ROBO1: variants seen among roughly 807,000 people sequenced by gnomAD.
ROBO1 encodes roundabout homolog 1.
A neutral mutation model predicts 195.9 loss-of-function variants in ROBO1; 149 were observed. The observed-to-expected ratio is 0.76, with a 90% CI of 0.67 to 0.87. The LOEUF (loss-of-function observed/expected upper bound fraction) is 0.87. Ranked by LOEUF, ROBO1 falls within the 40% of genes least tolerant of loss-of-function variation. The probability of loss-of-function intolerance (pLI) is 0.00; values close to 1 mark genes in which losing one functional copy is unlikely to be tolerated. For synonymous variants in ROBO1, 816 were observed against 733.2 expected, an observed-to-expected ratio of 1.11 and a Z score of -1.82; for missense variants, 1,933 against 2,068.3, an observed-to-expected ratio of 0.93 and a Z score of 1.27.
chr3:78,808,446 AC>A (rs2084620490), intron 4 of ROBO1, among the ~76,000 whole-genome samples: 2 of 151,986 alleles, frequency 1.3e-5, no homozygotes, highest in South Asian at 4.2e-4. Flanking sequence ...CTCGTGATCC[AC>A]CCACCTTGGC....
intron 2 of ROBO1, among the ~76,000 whole-genome samples, chr3:79,187,310 T>G (rs1186469388): frequency 5.3e-5 from 8 of 151,976 alleles, no homozygotes. Flanking sequence ...TTCTACATTG[T>G]CTCTAAATTT....
At chr3:78,834,539 A>C (rs536708193) in intron 4 of ROBO1, among the ~76,000 whole-genome samples, 63 of 151,714 alleles carry the variant, frequency 4.2e-4, no homozygotes, top group African/African-American at 1.5e-3. Context: ...TATTAACATC[A>C]AAACCACAAA....
At chr3:79,308,607 G>C (rs2033335567) in intron 2 of ROBO1, among the ~76,000 whole-genome samples, 1 of 152,078 alleles carries the variant, frequency 6.6e-6, no homozygotes, top group African/African-American at 2.4e-5. Context: ...ATTAAAAAAA[G>C]AAAGCGGGGT....
At chr3:79,329,550 C>T (rs997808868) in intron 2 of ROBO1, among the ~76,000 whole-genome samples, 1 of 152,118 alleles carries the variant, frequency 6.6e-6, no homozygotes, top group Non-Finnish European at 1.5e-5. Context: ...CTCTGCCTAG[C>T]CCACAGAATT....
At chr3:78,823,205 T>A (rs2031199045) in intron 4 of ROBO1, among the ~76,000 whole-genome samples, 1 of 118,420 alleles carries the variant, frequency 8.4e-6, no homozygotes, top group South Asian at 2.6e-4. Flanking sequence ...TTTTTTTTTT[T>A]TGCCAATGCA....
chr3:79,603,644 G>A (rs1315015424), intron 1 of ROBO1, among the ~76,000 whole-genome samples: 1 of 152,016 alleles, frequency 6.6e-6, no homozygotes, highest in Non-Finnish European at 1.5e-5. Context: ...AAACCACTGA[G>A]ATTGGTCTAA....
chr3:79,043,449 A>T (rs1187604514), intron 3 of ROBO1, among the ~76,000 whole-genome samples: 1 of 152,126 alleles, frequency 6.6e-6, no homozygotes, highest in Non-Finnish European at 1.5e-5. Context: ...CAACGAGGTC[A>T]CTAAAGGTCA....
At chr3:79,433,641 G>A (rs2038768838) in intron 2 of ROBO1, among the ~76,000 whole-genome samples, 1 of 152,084 alleles carries the variant, frequency 6.6e-6, no homozygotes, top group Admixed American at 6.6e-5. Context: ...GTAATTTATA[G>A]ATTCAATGCC....
chr3:79,151,530 T>C (rs1045611764), intron 2 of ROBO1, among the ~76,000 whole-genome samples: 3 of 151,848 alleles, frequency 2.0e-5, no homozygotes, highest in Admixed American at 6.6e-5. Context: ...TATGCTCCTC[T>C]TTCTCTATAA....
chr3:79,270,179 TTCTCTCTCTCTCTCTCTCTCTCTC>T (rs138141200), intron 2 of ROBO1, among the ~76,000 whole-genome samples: 1 of 140,702 alleles, frequency 7.1e-6, no homozygotes, highest in African/African-American at 2.7e-5. Context: ...ATACATAATG[TTCTCTCTCTCTCTCTCTCTCTCTC>T]TCTCTCTCTC....
chr3:79,224,914 G>A (rs889813102), intron 2 of ROBO1, among the ~76,000 whole-genome samples: 1 of 152,124 alleles, frequency 6.6e-6, no homozygotes, highest in Admixed American at 6.5e-5. Flanking sequence ...TGGCAGGCCA[G>A]AGGACAGAAG....
intron 4 of ROBO1, among the ~76,000 whole-genome samples, chr3:78,868,178 A>G (rs1214318066): frequency 6.6e-6 from 1 of 152,174 alleles, no homozygotes; most frequent in Non-Finnish European, 1.5e-5. Context: ...AAGGGAGCAC[A>G]TGGAGCTGCC....
rs576587194 is a variant in ROBO1 at position 79,702,374 on chromosome 3, G to A, written c.-51+65378C>T. ...ATGGTGAGGGGATTTATAAAGTCCT[G>A]AGGTAACCCACTTCACATAATATAA... On this transcript the variant is annotated intron_variant, in intron 1 of 30. Coordinates refer to ENST00000464233, the MANE Select transcript of ROBO1 (RefSeq NM_002941.4). 1.1e-4 allele frequency among the ~76,000 whole-genome samples: 17 copies of A among 151,960 alleles called. 1 individual carries two copies. The South Asian group carries it at 3.5e-3, about 31-fold the overall frequency.
chr3:79,255,387 A>T (rs1243008682), intron 2 of ROBO1, among the ~76,000 whole-genome samples: 2 of 152,054 alleles, frequency 1.3e-5, no homozygotes, highest in African/African-American at 2.4e-5. Flanking sequence ...AACAAAAAAC[A>T]TAAGTTTCTC....
At chr3:79,487,494 C>T (rs1240321280) in intron 2 of ROBO1, among the ~76,000 whole-genome samples, 2 of 152,154 alleles carry the variant, frequency 1.3e-5, no homozygotes, top group Non-Finnish European at 1.5e-5. Flanking sequence ...GGATTACAGG[C>T]AGGAACCACT....
At chr3:78,846,363 A>T (rs1386212899) in intron 4 of ROBO1, among the ~76,000 whole-genome samples, 2 of 152,116 alleles carry the variant, frequency 1.3e-5, no homozygotes, top group Non-Finnish European at 2.9e-5. Context: ...TTTTTATTTT[A>T]CTGATAATTT....
intron 2 of ROBO1, among the ~76,000 whole-genome samples, chr3:79,357,869 T>G (rs1203572068): frequency 2.0e-5 from 3 of 152,158 alleles, no homozygotes; most frequent in Non-Finnish European, 2.9e-5. Flanking sequence ...TTCTTAAACT[T>G]CATAAGTGGA....
At chr3:79,197,032 A>G (rs995432126) in intron 2 of ROBO1, among the ~76,000 whole-genome samples, 5 of 151,772 alleles carry the variant, frequency 3.3e-5, no homozygotes, top group South Asian at 4.1e-4. Context: ...TATGATAACT[A>G]GTAAATATAT....
intron 2 of ROBO1, among the ~76,000 whole-genome samples, chr3:79,559,010 G>A (rs1054441663): frequency 3.9e-5 from 6 of 152,060 alleles, no homozygotes; most frequent in African/African-American, 1.4e-4. Context: ...CAAACCTAAC[G>A]TAGTATGTAA....
Sources: allele counts gnomAD v4.1 joint callset (sites outside exome capture counted in the v4.1 genomes callset), GRCh38; gene constraint gnomAD v4.1.1; transcripts MANE v1.5; gene names NCBI Gene and HGNC (gene_info 2026-07-23, HGNC 2026-07-21).